EXOC6B: variants seen among roughly 807,000 people sequenced by gnomAD.
EXOC6B encodes exocyst complex component 6B, also known as SEC15 homolog B.
EXOC6B carries 54 observed loss-of-function variants against 113.5 expected under a neutral mutation model. The ratio of observed to expected loss-of-function variants is 0.48; its 90% confidence interval spans 0.38 to 0.60. The LOEUF (loss-of-function observed/expected upper bound fraction) is 0.60, where lower values mean the gene tolerates loss of function less well. Among genes scored for constraint, EXOC6B ranks in the 20% least tolerant of loss-of-function variants. The pLI is 0.00. For missense variants in EXOC6B, 797 were observed against 977.5 expected (o/e 0.82, Z 2.46); for synonymous variants, 357 against 339.0 (o/e 1.05, Z -0.58).
At chr2:72,362,222 G>C (rs947177358) in intron 19 of EXOC6B, among the ~76,000 whole-genome samples, 2 of 152,148 alleles carry the variant, frequency 1.3e-5, no homozygotes, top group African/African-American at 2.4e-5. Flanking sequence ...CTGTGAAAAA[G>C]ATTCATGGAT....
chr2:72,645,560 T>C (rs1673641484), intron 6 of EXOC6B, among the ~76,000 whole-genome samples: 1 of 152,048 alleles, frequency 6.6e-6, no homozygotes, highest in Admixed American at 6.6e-5. Context: ...CCTCAGCAAA[T>C]ATAAAAGAAC....
chr2:72,805,561 T>C (rs1243564537), intron 1 of EXOC6B, among the ~76,000 whole-genome samples: 2 of 152,210 alleles, frequency 1.3e-5, no homozygotes, highest in African/African-American at 2.4e-5. Flanking sequence ...GATGTTTTGA[T>C]ATATGTATAC....
At chr2:72,644,942 T>TA (rs1284153807) in intron 6 of EXOC6B, among the ~76,000 whole-genome samples, 1 of 152,102 alleles carries the variant, frequency 6.6e-6, no homozygotes, top group African/African-American at 2.4e-5. Context: ...ATAACAATAT[T>TA]AACCTTAAAT....
chr2:72,563,001 G>A (rs1197420854), intron 7 of EXOC6B, among the ~76,000 whole-genome samples: 1 of 152,084 alleles, frequency 6.6e-6, no homozygotes, highest in African/African-American at 2.4e-5. Flanking sequence ...TGAATGGAGA[G>A]CATTAGTGCC....
At chr2:72,679,855 C>A (rs1339802660) in intron 6 of EXOC6B, among the ~76,000 whole-genome samples, 3 of 152,112 alleles carry the variant, frequency 2.0e-5, no homozygotes, top group African/African-American at 7.2e-5. Flanking sequence ...GAAGGCTGCA[C>A]GGATTAGAGG....
At chr2:72,558,287 G>A (rs1429268736) in intron 8 of EXOC6B, among the ~76,000 whole-genome samples, 1 of 151,864 alleles carries the variant, frequency 6.6e-6, no homozygotes, top group Non-Finnish European at 1.5e-5. Context: ...GTAAAGGGAG[G>A]GAAGACAGAG....
chr2:72,398,774 C>A (rs1692932296), intron 18 of EXOC6B, among the ~76,000 whole-genome samples: 1 of 148,946 alleles, frequency 6.7e-6, no homozygotes. Flanking sequence ...GGTTTTGTTT[C>A]TCTGGAACAT....
Position 72,581,789 on chromosome 2 carries a change from AGCACTAGT to A in EXOC6B, c.670-6129_670-6122del, listed in dbSNP as rs555638031. ...GTGGCCCCCCACTGGATTCTCCTTC[AGCACTAGT>A]GCTTGTGCCTTCCACTGGCAGACCT... is the stretch of plus-strand genomic sequence containing the variant. On this transcript the variant is annotated intron_variant, in intron 6 of 21. Transcript: ENST00000272427. 5.1e-3 allele frequency among the ~76,000 whole-genome samples: 783 copies of A among 152,308 alleles called. 8 individuals are homozygous for A. Among genetic ancestry groups the A allele is most frequent in the South Asian group, 0.026 (126 of 4,822 alleles).
intron 20 of EXOC6B, among the ~76,000 whole-genome samples, chr2:72,283,403 G>C (rs2104679675): frequency 6.6e-6 from 1 of 152,256 alleles, no homozygotes; most frequent in South Asian, 2.1e-4. Flanking sequence ...TCTCAAATTG[G>C]AAGGACAGAT....
At chr2:72,600,238 C>T (rs1027664159) in intron 6 of EXOC6B, among the ~76,000 whole-genome samples, 1 of 151,910 alleles carries the variant, frequency 6.6e-6, no homozygotes, top group African/African-American at 2.4e-5. Context: ...CCCAGGAGTT[C>T]GAGACCAACT....
At chr2:72,810,060 A>G (rs1685798120) in intron 1 of EXOC6B, among the ~76,000 whole-genome samples, 1 of 152,206 alleles carries the variant, frequency 6.6e-6, no homozygotes, top group Non-Finnish European at 1.5e-5. Flanking sequence ...CTCCAACCAT[A>G]ATGAAATCAA....
Position 72,620,824 on chromosome 2 carries a change from G to A in EXOC6B, c.670-45156C>T, listed in dbSNP as rs541037374. ...TCAACAAGCAAAAGACAAATAACCCGATTAAAAATGGGTGAAGGATATGAA... is the reference window on the plus strand; with the variant it reads ...TCAACAAGCAAAAGACAAATAACCCAATTAAAAATGGGTGAAGGATATGAA... On this transcript the variant is annotated intron_variant, in intron 6 of 21. Transcript: ENST00000272427. Among the ~76,000 whole-genome samples, 94 of 151,790 alleles carry A rather than the reference G, an allele frequency of 6.2e-4. No homozygotes were observed. The South Asian group carries it at 0.016, about 25-fold the overall frequency.
At chr2:72,425,136 C>A (rs1486313071) in intron 18 of EXOC6B, among the ~76,000 whole-genome samples, 1 of 152,134 alleles carries the variant, frequency 6.6e-6, no homozygotes, top group Admixed American at 6.5e-5. Flanking sequence ...GAGTTCTTAA[C>A]TCTTATTTTC....
intron 19 of EXOC6B, among the ~76,000 whole-genome samples, chr2:72,363,592 T>C (rs1690445479): frequency 6.6e-6 from 1 of 151,270 alleles, no homozygotes; most frequent in African/African-American, 2.5e-5. Flanking sequence ...TGCTAACTGC[T>C]GCTACTGATG....
chr2:72,700,237 A>AACACACAC (rs3034948), intron 6 of EXOC6B, among the ~76,000 whole-genome samples: 13,113 of 142,276 alleles, frequency 0.092, 654 homozygotes, highest in South Asian at 0.12. Context: ...AGACCACAGA[A>AACACACAC]ACACACACAC....
At chr2:72,672,570 A>G in intron 6 of EXOC6B, among the ~76,000 whole-genome samples, 1 of 151,718 alleles carries the variant, frequency 6.6e-6, no homozygotes, top group East Asian at 1.9e-4. Flanking sequence ...AAAAAGAAAA[A>G]GAAAAAGAAA....
intron 8 of EXOC6B, among the ~76,000 whole-genome samples, chr2:72,551,324 A>T (rs1703209351): frequency 6.6e-6 from 1 of 150,590 alleles, no homozygotes; most frequent in Admixed American, 6.6e-5. Flanking sequence ...CAGCCTCCCA[A>T]GTAGTTGGGA....
chr2:72,258,260 G>A (rs1004858166), intron 20 of EXOC6B, among the ~76,000 whole-genome samples: 1 of 151,950 alleles, frequency 6.6e-6, no homozygotes, highest in Admixed American at 6.6e-5. Context: ...TTAACGACAG[G>A]GTTGATGTTT....
intron 19 of EXOC6B, chr2:72,354,210 A>G (rs1689840110): frequency 6.6e-6 from 1 of 152,228 alleles, no homozygotes; most frequent in Non-Finnish European, 1.5e-5. Flanking sequence ...AATAAGTACC[A>G]TATTTACCAA....
Sources: allele counts gnomAD v4.1 joint callset (sites outside exome capture counted in the v4.1 genomes callset), GRCh38; gene constraint gnomAD v4.1.1; transcripts MANE v1.5; gene names NCBI Gene and HGNC (gene_info 2026-07-23, HGNC 2026-07-21).